Variants in SYTL2 observed in about 807,000 individuals in gnomAD.
SYTL2 encodes the protein synaptotagmin like 2.
SYTL2 carries 165 observed loss-of-function variants against 198.7 expected under a neutral mutation model. The ratio of observed to expected loss-of-function variants is 0.83; its 90% CI spans 0.73 to 0.94. The LOEUF (loss-of-function observed/expected upper bound fraction) is 0.94. SYTL2 is among the 40% of genes least tolerant of loss of function. The pLI is 0.00. For synonymous variants in SYTL2, 966 were observed against 917.7 expected (o/e 1.05, Z -0.95); for missense variants, 2,835 against 2,582.8 (o/e 1.10, Z -2.12).
intron 5 of SYTL2, 81 bp from the exon 6 acceptor site, chr11:85,736,696 A>G (rs1228098355): frequency 5.4e-6 from 4 of 744,746 alleles, no homozygotes; most frequent in South Asian, 1.6e-5. Flanking sequence ...ATTATCTTCA[A>G]TTTTGATAGT....
chr11:85,842,734 A>T, the SYTL2 span, among the ~76,000 whole-genome samples: 2 of 152,158 alleles, frequency 1.3e-5, no homozygotes, highest in Non-Finnish European at 2.9e-5. Flanking sequence ...CTTTCCTAAG[A>T]GATCTGTGGA....
At chr11:85,782,405 G>C (rs1592013766) in intron 1 of SYTL2, among the ~76,000 whole-genome samples, 1 of 152,158 alleles carries the variant, frequency 6.6e-6, no homozygotes, top group Non-Finnish European at 1.5e-5. Context: ...TGATGGGTGG[G>C]GGGGCTGCTG....
rs2089204160 is a variant in SYTL2 at position 85,726,552 on chromosome 11, T to C, written c.2806A>G (p.Asn936Asp). 1 of 1,596,682 alleles carries C rather than the reference T, an allele frequency of 6.3e-7. No homozygotes were observed. Among genetic ancestry groups the C allele is most frequent in the African/African-American group, 1.3e-5 (1 of 74,852 alleles). The change falls in exon 8 of 20, where the codon AAT (asparagine) becomes GAT (aspartate). Residue 936 changes from asparagine to aspartate, a missense_variant. Physicochemically the swap from Asn to Asp is conservative, Grantham distance 23. Transcript: ENST00000359152. ...ITLPALQPPSNVGSERHAPLE... is the reference protein window; with the variant it reads ...ITLPALQPPSDVGSERHAPLE... ...GGAGCATGTCGTTCACTCCCGACAT[T>C]TGAGGGAGGTTGCAGTGCTGGTAAA...
chr11:85,716,641 C>G (rs1289759388), intron 11 of SYTL2: 2 of 151,608 alleles, frequency 1.3e-5, no homozygotes, highest in Non-Finnish European at 2.9e-5. Context: ...TATCTTCATA[C>G]CCCCAGTGCC....
intron 1 of SYTL2, among the ~76,000 whole-genome samples, chr11:85,803,506 T>A (rs1592084294): frequency 2.0e-5 from 3 of 152,324 alleles, no homozygotes; most frequent in Admixed American, 2.0e-4. Context: ...CCAGTTGTTT[T>A]TCCTGGAAGA....
At chr11:85,736,476 T>G in intron 6 of SYTL2, 25 bp downstream of exon 6, 2 of 1,251,976 alleles carry the variant, frequency 1.6e-6, no homozygotes, top group Non-Finnish European at 2.3e-6. Context: ...GATAAAAAAA[T>G]CAAGTTCATA....
chr11:85,745,108 A>G (rs1418922984), intron 4 of SYTL2, among the ~76,000 whole-genome samples: 3 of 152,210 alleles, frequency 2.0e-5, no homozygotes, highest in African/African-American at 7.2e-5. Flanking sequence ...CTTTTCAGGT[A>G]TATATTATTG....
At position 85,720,869 on chromosome 11, in the gene SYTL2, G is replaced by C; in HGVS notation, c.5417C>G (p.Ser1806Ter). Residue 1806 changes from serine (S) to a stop codon, truncating the protein, a stop_gained, in exon 9 of 20, where the codon TCA (serine) becomes TGA (stop). Transcript: ENST00000359152. LOFTEE classifies it high-confidence loss of function. ...MPSKSLEDIS[S>*]DSSNQAKVDN... is the part of the protein sequence containing the mutation. Reference sequence around the variant, plus strand: ...AACTTTATTCTCACTTGATGAATCTGATGAAATGTCTTCTAGACTTTTGGA... The same window carrying C: ...AACTTTATTCTCACTTGATGAATCTCATGAAATGTCTTCTAGACTTTTGGA... The C allele has an allele frequency of 6.2e-7, 1 of 1,611,310 alleles. No homozygotes were observed. Among genetic ancestry groups the C allele is most frequent in the Non-Finnish European group, 8.5e-7 (1 of 1,177,516 alleles).
chr11:85,778,438 A>G lies in SYTL2; in HGVS notation c.-389-20324T>C, dbSNP rs951118153. ...AATTTAAACCGTCTTTTCCATCACA[A>G]CAGTACCCGGTACTAATTGCAGAGT... On this transcript the variant is annotated intron_variant, in intron 1 of 19. Transcript: ENST00000359152. Among the ~76,000 whole-genome samples, 9 of 152,224 alleles carry G rather than the reference A, an allele frequency of 5.9e-5. No individual in the cohort carries two copies. In the East Asian group the frequency reaches 1.7e-3, roughly 29 times the overall value.
chr11:85,717,479 T>C lies in SYTL2; in HGVS notation c.5530+4A>G, dbSNP rs1364712808. On this transcript the variant is annotated splice_donor_region_variant and intron_variant, in intron 11 of 19. Transcript: ENST00000359152. The stretch of plus-strand genomic sequence containing the variant: ...TCATTTGTGAGAAAGATCCTGCTAC[T>C]CACTTCTTGGTACGCATTCATTTGT... The C allele has an allele frequency of 6.2e-7, 1 of 1,612,318 alleles. No individual in the cohort carries two copies. Among genetic ancestry groups the C allele is most frequent in the South Asian group, 1.1e-5 (1 of 91,032 alleles).
chr11:85,757,728 T>G lies in SYTL2; in HGVS notation c.-3A>C. 1 of 1,611,766 alleles carries G rather than the reference T, an allele frequency of 6.2e-7. No individual in the cohort carries two copies. The highest frequency in any genetic ancestry group is 2.2e-5 in the East Asian group (1 of 44,888). ...GTCAGGAAGCTTAAGTCAATCATTT[T>G]GAAAAGTGCATGCAAAAATAATAGC... is the stretch of plus-strand genomic sequence containing the variant. On this transcript the variant is annotated 5_prime_UTR_variant, in exon 2 of 20. Coordinates refer to ENST00000359152, the MANE Select transcript of SYTL2 (RefSeq NM_206927.4).
At chr11:85,754,788 T>C (rs1443140449) in intron 2 of SYTL2, among the ~76,000 whole-genome samples, 1 of 152,164 alleles carries the variant, frequency 6.6e-6, no homozygotes, top group African/African-American at 2.4e-5. Flanking sequence ...TGCAAACGCA[T>C]GTCAGTTTCA....
chr11:85,838,318 A>T, the SYTL2 span, among the ~76,000 whole-genome samples: 1 of 152,240 alleles, frequency 6.6e-6, no homozygotes, highest in East Asian at 1.9e-4. Flanking sequence ...GTATGTATCC[A>T]TATTTTGCGT....
chr11:85,757,621 T>G lies in SYTL2; in HGVS notation c.101+4A>C. 6.2e-7 allele frequency: 1 copy of G among 1,613,624 alleles called. No homozygotes were observed. The highest frequency in any genetic ancestry group is 1.1e-5 in the South Asian group (1 of 91,074). ...TCATGCCCAAGGCTTCTCTGGCCTC[T>G]TACCTGACTCTCTCTTCTTCGGCCC... On this transcript the variant is annotated splice_donor_region_variant and intron_variant, in intron 2 of 19. Transcript: ENST00000359152.
At chr11:85,709,657 G>A (rs562401801) in intron 13 of SYTL2, among the ~76,000 whole-genome samples, 157 bp from the exon 14 acceptor site, 1 of 152,264 alleles carries the variant, frequency 6.6e-6, no homozygotes, top group East Asian at 1.9e-4. Context: ...AAGACAACCT[G>A]ACATGATATA....
intron 4 of SYTL2, among the ~76,000 whole-genome samples, chr11:85,738,368 G>T (rs1481588130): frequency 6.6e-6 from 1 of 152,094 alleles, no homozygotes; most frequent in Non-Finnish European, 1.5e-5. Flanking sequence ...TTCCAGAAAG[G>T]CATTATAGCA....
chr11:85,724,057 A>T lies in SYTL2; in HGVS notation c.5301T>A (p.Asn1767Lys), dbSNP rs1268091486. 6.5e-6 allele frequency: 10 copies of T among 1,535,282 alleles called. No individual in the cohort carries two copies. Among genetic ancestry groups the T allele is most frequent in the Non-Finnish European group, 6.9e-6 (8 of 1,151,340 alleles). The part of the protein sequence containing the change: ...SDFSDGNTSS[N>K]AESWRNPSSS... Reference sequence around the variant, plus strand: ...TGGAAGGATTTCTCCAGCTCTCTGCATTAGAACTGGTGTTTCCATCTGAAA... The same window carrying T: ...TGGAAGGATTTCTCCAGCTCTCTGCTTTAGAACTGGTGTTTCCATCTGAAA... Residue 1767 changes from asparagine (N) to lysine (K), a missense_variant, in exon 8 of 20, where the codon AAT becomes AAA. Transcript: ENST00000359152.
Position 85,726,986 on chromosome 11 carries a change from C to A in SYTL2, c.2372G>T (p.Arg791Ile). The A allele has an allele frequency of 6.5e-7, 1 of 1,536,662 alleles. No homozygotes were observed. The highest frequency in any genetic ancestry group is 8.7e-7 in the Non-Finnish European group (1 of 1,147,014). Reference protein sequence around the residue: ...KNQVQREKYKRVSDRISFWEG... With the variant: ...KNQVQREKYKIVSDRISFWEG... Reference sequence around the variant, plus strand: ...CCAAAAGGATATTCTGTCACTCACTCTTTTGTATTTCTCTCTCTGCACTTG... The same window carrying A: ...CCAAAAGGATATTCTGTCACTCACTATTTTGTATTTCTCTCTCTGCACTTG... Residue 791 changes from arginine (R) to isoleucine (I), a missense_variant, in exon 8 of 20, where the codon AGA (arginine) becomes ATA (isoleucine). Around this residue, in one of 3 missense-constraint regions of SYTL2, gnomAD observed 2,645 missense variants for 2,381.7 expected, o/e 1.11. Transcript: ENST00000359152.
chr11:85,737,728 G>T, intron 4 of SYTL2, 72 bp from the exon 5 acceptor site: 1 of 1,302,662 alleles, frequency 7.7e-7, no homozygotes, highest in Non-Finnish European at 1.1e-6. Flanking sequence ...CCTCTGAAGT[G>T]GAAAGCTATC....
Sources: gnomAD v4.1 joint callset for allele counts (sites outside exome capture counted in the v4.1 genomes callset) on GRCh38, gnomAD v4.1.1 for gene constraint, gnomAD v4.1.1 regional missense constraint, MANE v1.5 for transcripts, NCBI Gene and HGNC (gene_info 2026-07-23, HGNC 2026-07-21) for gene names.